Variants in C12orf42 observed in about 807,000 individuals in gnomAD.
C12orf42 encodes uncharacterized protein C12orf42.
In C12orf42, 25 loss-of-function variants were observed where a neutral mutation model predicts 21.6. That is an observed-to-expected ratio of 1.16 (90% CI 0.84 to 1.62). The LOEUF is 1.62. Ranked by LOEUF, C12orf42 falls within the 40% of genes most tolerant of loss-of-function variation. The pLI is 0.00. For missense variants in C12orf42, 483 were observed against 459.3 expected, an observed-to-expected ratio of 1.05 and a Z score of -0.47; for synonymous variants, 174 against 175.0, an observed-to-expected ratio of 0.99 and a Z score of 0.05.
At chr12:103,095,776 T>C in the C12orf42 span, among the ~76,000 whole-genome samples, 1 of 152,152 alleles carries the variant, frequency 6.6e-6, no homozygotes, top group African/African-American at 2.4e-5. Flanking sequence ...AAGTATTGAG[T>C]GAATAAATGC....
chr12:103,160,590 A>G, the C12orf42 span, among the ~76,000 whole-genome samples: 2 of 152,170 alleles, frequency 1.3e-5, no homozygotes, highest in African/African-American at 4.8e-5. Flanking sequence ...TCAAGACTAC[A>G]GCAATTGCAG....
chr12:103,333,734 T>TA lies in C12orf42; in HGVS notation c.260-27390dup, dbSNP rs888429057. On this transcript the variant is annotated intron_variant, in intron 4 of 5. Coordinates refer to ENST00000548883, the MANE Select transcript of C12orf42 (RefSeq NM_198521.5). ...GATAGAATTTCAAAATGTAAAAAGA[T>TA]AAAAAAAAAAATTTGGCCTGTAATT... Among the ~76,000 whole-genome samples, 60 of 147,726 alleles carry TA rather than the reference T, an allele frequency of 4.1e-4. No individual in the cohort carries two copies. In the East Asian group the frequency reaches 5.1e-3, roughly 13 times the overall value.
the C12orf42 span, among the ~76,000 whole-genome samples, chr12:103,182,005 A>G: frequency 6.6e-6 from 1 of 152,178 alleles, no homozygotes; most frequent in African/African-American, 2.4e-5. Context: ...AGTAATTAGA[A>G]TGACCACTCT....
the C12orf42 span, among the ~76,000 whole-genome samples, chr12:103,507,220 TA>T: frequency 8.0e-3 from 318 of 39,942 alleles, 41 homozygotes; most frequent in African/African-American, 0.061. Flanking sequence ...ATATAATATA[TA>T]AATATAAATA....
the C12orf42 span, among the ~76,000 whole-genome samples, chr12:103,195,954 A>G: frequency 1.3e-5 from 2 of 152,084 alleles, no homozygotes; most frequent in Non-Finnish European, 2.9e-5. Context: ...TCTTTAGTTT[A>G]TATTTGTATA....
At chr12:103,301,211 G>A (rs1029805957), downstream of C12orf42, among the ~76,000 whole-genome samples, 1 of 152,082 alleles carries the variant, frequency 6.6e-6, no homozygotes, top group African/African-American at 2.4e-5. Flanking sequence ...AATGCAGTAA[G>A]ATTTGACAAC....
intron 5 of C12orf42, chr12:103,276,999 T>G (rs936901828): frequency 3.0e-6 from 1 of 331,216 alleles, no homozygotes; most frequent in African/African-American, 2.2e-5. Flanking sequence ...GAAATAAAAT[T>G]TTTACAATTA....
At position 103,443,440 on chromosome 12, in the gene C12orf42, G is replaced by A. The variant is rs184334312; in HGVS notation, c.78+34909C>T. ...GTAACTTTTCTGAGACAATCTGCTA[G>A]TGGGTGGCAGAGATGAGATTAAATC... On this transcript the variant is annotated intron_variant, in intron 2 of 5. Transcript: ENST00000548883. Among the ~76,000 whole-genome samples the A allele has an allele frequency of 1.3e-4, 20 of 152,212 alleles. No individual in the cohort carries two copies. In the South Asian group the frequency reaches 2.5e-3, roughly 19 times the overall value.
the C12orf42 span, among the ~76,000 whole-genome samples, chr12:103,132,311 C>G: frequency 2.0e-5 from 3 of 151,938 alleles, no homozygotes; most frequent in Non-Finnish European, 4.4e-5. Flanking sequence ...GCAGCCTACT[C>G]TACAGGGCTT....
chr12:103,298,378 C>T (rs1593323507), downstream of C12orf42, among the ~76,000 whole-genome samples: 1 of 152,250 alleles, frequency 6.6e-6, no homozygotes, highest in East Asian at 1.9e-4. Context: ...GAATAAAATA[C>T]CTAGGAATCC....
the C12orf42 span, among the ~76,000 whole-genome samples, chr12:103,127,994 T>C: frequency 2.0e-5 from 3 of 152,214 alleles, no homozygotes; most frequent in Admixed American, 6.5e-5. Context: ...TCTTAATTCT[T>C]GACTAGCCTT....
the C12orf42 span, among the ~76,000 whole-genome samples, chr12:103,538,480 T>C: frequency 6.6e-6 from 1 of 152,306 alleles, no homozygotes; most frequent in East Asian, 1.9e-4. Context: ...AAGGTGTCCA[T>C]TTAGAGTTCA....
At chr12:103,423,611 C>T (rs1949552169) in intron 2 of C12orf42, among the ~76,000 whole-genome samples, 2 of 152,186 alleles carry the variant, frequency 1.3e-5, no homozygotes, top group Admixed American at 1.3e-4. Flanking sequence ...CATGTGCTTC[C>T]ATTGCATGTT....
At chr12:103,213,160 C>G in the C12orf42 span, among the ~76,000 whole-genome samples, 2 of 152,028 alleles carry the variant, frequency 1.3e-5, no homozygotes. Flanking sequence ...CTGAAGAATC[C>G]TTAGGCTTAT....
At chr12:103,309,905 G>T (rs1409070851) in intron 4 of C12orf42, among the ~76,000 whole-genome samples, 1 of 152,248 alleles carries the variant, frequency 6.6e-6, no homozygotes, top group Non-Finnish European at 1.5e-5. Context: ...CAGAGGCCAG[G>T]CGGATGACAG....
the C12orf42 span, among the ~76,000 whole-genome samples, chr12:103,539,353 T>C: frequency 6.1e-4 from 81 of 132,010 alleles, no homozygotes; most frequent in African/African-American, 2.0e-3. Flanking sequence ...ATTAATATTA[T>C]GCTTGGTTCT....
chr12:103,186,291 A>C, the C12orf42 span, among the ~76,000 whole-genome samples: 1 of 152,172 alleles, frequency 6.6e-6, no homozygotes, highest in Admixed American at 6.5e-5. Flanking sequence ...AGCTTACTCA[A>C]AGACTGTCTT....
chr12:103,444,539 T>A (rs555861090), intron 2 of C12orf42, among the ~76,000 whole-genome samples: 1 of 152,258 alleles, frequency 6.6e-6, no homozygotes, highest in South Asian at 2.1e-4. Flanking sequence ...TCTCCATTTG[T>A]ATTTGTATTT....
In C12orf42 at chr12:103,302,676, G is replaced by GAAAAA; in HGVS notation, c.632-118_632-117insTTTTT. 1.2e-5 allele frequency: 7 copies of GAAAAA among 570,568 alleles called. No individual in the cohort carries two copies. The South Asian group carries it at 1.3e-4, about 11-fold the overall frequency. 35.3% of individuals were successfully genotyped at this position (570,568 alleles called of 1,614,324 possible). A position where few individuals can be genotyped will look rare whatever the true frequency, so the allele number is the denominator to read the frequency against. On this transcript the variant is annotated intron_variant, in intron 5 of 5. Coordinates refer to ENST00000548883, the MANE Select transcript of C12orf42 (RefSeq NM_198521.5). ...CAACATTTGTAATGTGCTCAGAGGG[G>GAAAAA]AAAGAAAAAAAAAAAAAAACCCTGA...
Sources: allele counts gnomAD v4.1 joint callset (sites outside exome capture counted in the v4.1 genomes callset), GRCh38; gene constraint gnomAD v4.1.1; transcripts MANE v1.5; gene names NCBI Gene and HGNC (gene_info 2026-07-23, HGNC 2026-07-21).